NEDD9: variants seen among roughly 807,000 people sequenced by gnomAD.
NEDD9 encodes the protein neural precursor cell expressed, developmentally down-regulated 9.
A neutral mutation model predicts 76.6 loss-of-function variants in NEDD9; 26 were observed. The ratio of observed to expected loss-of-function variants is 0.34; its 90% confidence interval spans 0.25 to 0.47. The LOEUF is 0.47. Among genes scored for constraint, NEDD9 ranks in the 20% least tolerant of loss-of-function variants. The pLI, the probability that NEDD9 is intolerant of heterozygous loss-of-function variation, is 1.00. For missense variants in NEDD9, 937 were observed against 1,058.5 expected, an observed-to-expected ratio of 0.89 and a Z score of 1.59; for synonymous variants, 392 against 414.2, an observed-to-expected ratio of 0.95 and a Z score of 0.65.
chr6:11,275,387 G>C (rs1760394080), intron 3 of NEDD9, among the ~76,000 whole-genome samples: 2 of 152,146 alleles, frequency 1.3e-5, no homozygotes, highest in African/African-American at 4.8e-5. Flanking sequence ...AAATTGCTAA[G>C]AGAGTGGATT....
At chr6:11,269,429 A>G (rs1031619420) in intron 3 of NEDD9, among the ~76,000 whole-genome samples, 1 of 152,248 alleles carries the variant, frequency 6.6e-6, no homozygotes, top group African/African-American at 2.4e-5. Flanking sequence ...AAACACTAAT[A>G]TCTAAGTTGA....
At chr6:11,267,180 G>A (rs533803014) in intron 3 of NEDD9, among the ~76,000 whole-genome samples, 1 of 152,060 alleles carries the variant, frequency 6.6e-6, no homozygotes, top group African/African-American at 2.4e-5. Flanking sequence ...CCTTGATGTC[G>A]ACTATTTGAT....
Position 11,185,406 on chromosome 6 carries a change from T to G in NEDD9, c.2261A>C (p.His754Pro). Residue 754 changes from histidine (H) to proline (P), a missense_variant, in exon 7 of 7, where the codon CAC (histidine) becomes CCC (proline). Physicochemically the swap from His to Pro is moderately conservative, Grantham distance 77 (BLOSUM62 -2). Transcript: ENST00000379446. Reference protein sequence around the residue: ...AHSKFVILSAHKLVFIGDTLT... With the variant: ...AHSKFVILSAPKLVFIGDTLT... ...CGTGTCTCCAATGAACACCAGTTTG[T>G]GTGCACTGAGGATGACAAACTTGCT... 1.2e-6 allele frequency: 2 copies of G among 1,614,224 alleles called. No individual in the cohort carries two copies. Among genetic ancestry groups the G allele is most frequent in the Non-Finnish European group, 1.7e-6 (2 of 1,180,036 alleles).
intron 3 of NEDD9, among the ~76,000 whole-genome samples, chr6:11,298,677 G>A (rs1561821265): frequency 6.6e-6 from 1 of 152,102 alleles, no homozygotes; most frequent in Non-Finnish European, 1.5e-5. Context: ...TAGAGAAATT[G>A]GTATTTATAT....
intron 1 of NEDD9, chr6:11,352,353 A>T (rs1762486035): frequency 6.6e-6 from 1 of 152,128 alleles, no homozygotes. Context: ...TCCAACTCAG[A>T]CATTTGCTCT....
At chr6:11,233,472 G>T (rs758414537), upstream of NEDD9, 1 of 518,836 alleles carries the variant, frequency 1.9e-6, no homozygotes, top group Non-Finnish European at 3.8e-6. Flanking sequence ...CGTCCACTGA[G>T]TTCTGTGTTC....
At chr6:11,204,830 G>C (rs938780683) in intron 2 of NEDD9, among the ~76,000 whole-genome samples, 1 of 151,686 alleles carries the variant, frequency 6.6e-6, no homozygotes, top group Non-Finnish European at 1.5e-5. Flanking sequence ...CTGGAGTCTA[G>C]ACATCACCCT....
chr6:11,346,561 G>A (rs1324981882), intron 1 of NEDD9, among the ~76,000 whole-genome samples: 2 of 151,998 alleles, frequency 1.3e-5, no homozygotes, highest in African/African-American at 4.8e-5. Flanking sequence ...GAATTCCCAG[G>A]CAAAGATGTC....
chr6:11,356,861 C>A (rs1347242677), intron 1 of NEDD9, among the ~76,000 whole-genome samples: 1 of 152,086 alleles, frequency 6.6e-6, no homozygotes, highest in Non-Finnish European at 1.5e-5. Flanking sequence ...GTGAATTACA[C>A]CCCTTCGCAT....
At chr6:11,351,425 A>T (rs1298325904) in intron 1 of NEDD9, among the ~76,000 whole-genome samples, 1 of 152,016 alleles carries the variant, frequency 6.6e-6, no homozygotes, top group African/African-American at 2.4e-5. Context: ...GAAAATAGAA[A>T]ATTGGCATTT....
intron 1 of NEDD9, among the ~76,000 whole-genome samples, chr6:11,337,697 G>A (rs780616458): frequency 3.3e-5 from 5 of 152,138 alleles, no homozygotes; most frequent in Non-Finnish European, 5.9e-5. Flanking sequence ...GTGCAGTATC[G>A]GGCATCAGTA....
chr6:11,212,449 A>G (rs187758250), intron 2 of NEDD9, among the ~76,000 whole-genome samples: 62 of 152,316 alleles, frequency 4.1e-4, no homozygotes, highest in Non-Finnish European at 6.9e-4. Context: ...AAGCATCACC[A>G]GGGCTTTGTT....
chr6:11,300,401 A>C (rs1266481273), intron 3 of NEDD9, among the ~76,000 whole-genome samples: 1 of 152,226 alleles, frequency 6.6e-6, no homozygotes, highest in African/African-American at 2.4e-5. Flanking sequence ...TGTACCTGAA[A>C]GTGACGGGAA....
At chr6:11,248,231 A>AAAAG (rs964503047) in intron 3 of NEDD9, among the ~76,000 whole-genome samples, 3 of 152,266 alleles carry the variant, frequency 2.0e-5, no homozygotes, top group South Asian at 4.1e-4. Context: ...AAGGAAAAAA[A>AAAAG]AAAGAAAGAA....
At chr6:11,306,036 T>G in exon 3 of NEDD9, 1 of 1,613,914 alleles carries the variant, frequency 6.2e-7, no homozygotes, top group Non-Finnish European at 8.5e-7. Flanking sequence ...CTCTGGATGT[T>G]GGAAAGGACA....
At chr6:11,194,927 C>T (rs1758252968) in intron 2 of NEDD9, among the ~76,000 whole-genome samples, 3 of 152,182 alleles carry the variant, frequency 2.0e-5, no homozygotes, top group Non-Finnish European at 1.5e-5. Flanking sequence ...CTGCCTAACC[C>T]CCACCCTTTG....
rs767559374 is a variant in NEDD9 at position 11,190,514 on chromosome 6, A to G, written c.1355T>C (p.Val452Ala). Residue 452 changes from valine (V) to alanine (A), a missense_variant, in exon 5 of 7, where the codon GTG becomes GCG. Transcript: ENST00000379446. This position sits in a 1 kb window ranked among gnomAD's most constrained non-coding sequence, Gnocchi z 5.8. ...ERHINEIRTAVDKVELFLKEY... is the reference protein window; with the variant it reads ...ERHINEIRTAADKVELFLKEY... The stretch of plus-strand genomic sequence containing the variant: ...CTTCAGGAACAGCTCCACCTTGTCC[A>G]CTGCTGTGCGTATTTCATTGATGTG... The G allele has an allele frequency of 1.9e-6, 3 of 1,614,184 alleles. No individual in the cohort carries two copies. The highest frequency in any genetic ancestry group is 2.5e-6 in the Non-Finnish European group (3 of 1,180,032).
At chr6:11,203,247 G>T (rs1028285814) in intron 2 of NEDD9, among the ~76,000 whole-genome samples, 1 of 152,050 alleles carries the variant, frequency 6.6e-6, no homozygotes, top group African/African-American at 2.4e-5. Flanking sequence ...TTTTTTTTCT[G>T]TCTCATGGAC....
intron 1 of NEDD9, among the ~76,000 whole-genome samples, chr6:11,355,943 G>A (rs56015796): frequency 2.3e-3 from 354 of 152,118 alleles, no homozygotes; most frequent in African/African-American, 4.3e-3. Context: ...GGATGGTCTC[G>A]ATCTCCTGAC....
Sources: gnomAD v4.1 joint callset for allele counts (sites outside exome capture counted in the v4.1 genomes callset) on GRCh38, gnomAD v4.1.1 for gene constraint, Gnocchi (gnomAD v3.1) non-coding constraint, MANE v1.5 for transcripts, NCBI Gene and HGNC (gene_info 2026-07-23, HGNC 2026-07-21) for gene names.